The following CADPS2 variants were observed in gnomAD, a reference collection of about 807,000 sequenced individuals.
CADPS2 encodes the protein calcium dependent secretion activator 2.
CADPS2 carries 93 observed loss-of-function variants against 172.5 expected under a neutral mutation model. That is an observed-to-expected ratio of 0.54 (90% CI 0.46 to 0.64). CADPS2 has a LOEUF of 0.64. Ranked by LOEUF, CADPS2 falls within the 30% of genes least tolerant of loss-of-function variation. The pLI is 0.00. For missense variants in CADPS2, 1,420 were observed against 1,565.9 expected, an observed-to-expected ratio of 0.91 and a Z score of 1.57; for synonymous variants, 546 against 555.2, an observed-to-expected ratio of 0.98 and a Z score of 0.23.
intron 24 of CADPS2, among the ~76,000 whole-genome samples, 170 bp downstream of exon 24, chr7:122,386,856 C>T (rs148801270): frequency 1.1e-3 from 170 of 152,166 alleles, no homozygotes; most frequent in African/African-American, 3.9e-3. Flanking sequence ...AAAGGAGAAA[C>T]TGACATGAGC....
chr7:122,541,816 CATATGTTTA>C (rs2063073040), intron 8 of CADPS2, among the ~76,000 whole-genome samples: 2 of 74,046 alleles, frequency 2.7e-5, no homozygotes, highest in South Asian at 7.9e-4. Flanking sequence ...TTTATATATT[CATATGTTTA>C]TATATTCATA....
In CADPS2 at chr7:122,494,837, A is replaced by G. The variant is rs186950920; in HGVS notation, c.1543-3417T>C. On this transcript the variant is annotated intron_variant, in intron 9 of 29. Coordinates refer to ENST00000449022, the MANE Select transcript of CADPS2 (RefSeq NM_017954.11). ...CAGTCAAATTTACTTTTTCCCTTGC[A>G]TATGTCTAAGGTTTACAAATGAAAG... Among the ~76,000 whole-genome samples, 3 of 150,998 alleles carry G rather than the reference A, an allele frequency of 2.0e-5. No homozygotes were observed. In the East Asian group the frequency reaches 5.8e-4, roughly 29 times the overall value.
At position 122,422,552 on chromosome 7, in the gene CADPS2, T is replaced by C. The variant is rs893083282; in HGVS notation, c.2477-6388A>G. ...ATTACATTACACACTCTCACACACA[T>C]ATACACAATGCTTTGGGCACATAAA... On this transcript the variant is annotated intron_variant, in intron 17 of 29. Coordinates refer to ENST00000449022, the MANE Select transcript of CADPS2 (RefSeq NM_017954.11). Among the ~76,000 whole-genome samples, 7 of 152,230 alleles carry C rather than the reference T, an allele frequency of 4.6e-5. No individual in the cohort carries two copies. In the South Asian group the frequency reaches 1.2e-3, roughly 27 times the overall value.
At chr7:122,874,463 G>A (rs1820676227) in intron 1 of CADPS2, among the ~76,000 whole-genome samples, 1 of 152,126 alleles carries the variant, frequency 6.6e-6, no homozygotes, top group Admixed American at 6.6e-5. Context: ...ACTACCCAAA[G>A]TAATTTATAG....
At chr7:122,409,546 A>G (rs1279516194) in intron 19 of CADPS2, 10 of 403,162 alleles carry the variant, frequency 2.5e-5, no homozygotes, top group Non-Finnish European at 4.4e-5. Flanking sequence ...GCAGAAGTAT[A>G]TATTTATATC....
At chr7:122,561,376 T>C (rs1027551396) in intron 7 of CADPS2, among the ~76,000 whole-genome samples, 4 of 151,892 alleles carry the variant, frequency 2.6e-5, no homozygotes, top group African/African-American at 9.7e-5. Context: ...AAAAACAAAA[T>C]GGGGTAGAAG....
chr7:122,704,155 A>C (rs890037737), intron 2 of CADPS2, among the ~76,000 whole-genome samples: 2 of 152,118 alleles, frequency 1.3e-5, no homozygotes, highest in African/African-American at 4.8e-5. Context: ...CATAGACATG[A>C]TAGAGTTTTC....
intron 8 of CADPS2, among the ~76,000 whole-genome samples, chr7:122,534,536 C>G (rs901695196): frequency 2.0e-5 from 3 of 152,008 alleles, no homozygotes; most frequent in African/African-American, 7.2e-5. Context: ...CAAACTGATA[C>G]AATTCTGAGA....
Position 122,554,706 on chromosome 7 carries a change from A to C in CADPS2, c.1336-17T>G, listed in dbSNP as rs184264736. On this transcript the variant is annotated splice_polypyrimidine_tract_variant and intron_variant, in intron 7 of 29. Transcript: ENST00000449022. ...TAATATCACCTGTATGGAAAAAAAA[A>C]CCCACATTTAAACGCATGATACGGA... is the stretch of plus-strand genomic sequence containing the variant. The C allele has an allele frequency of 4.2e-4, 657 of 1,577,934 alleles. 1 individual carries two copies. Among genetic ancestry groups the C allele is most frequent in the South Asian group, 1.5e-3 (132 of 85,226 alleles).
At chr7:122,818,088 T>C (rs1802059531) in intron 1 of CADPS2, among the ~76,000 whole-genome samples, 1 of 149,190 alleles carries the variant, frequency 6.7e-6, no homozygotes, top group African/African-American at 2.5e-5. Flanking sequence ...CCCCTTTTCC[T>C]ACTTTTCTGG....
chr7:122,487,600 C>T (rs1315557011), intron 11 of CADPS2, among the ~76,000 whole-genome samples: 1 of 151,998 alleles, frequency 6.6e-6, no homozygotes, highest in Non-Finnish European at 1.5e-5. Context: ...ATATAAGATG[C>T]AATAGCAAGG....
chr7:122,413,423 C>A (rs994524554), intron 19 of CADPS2, among the ~76,000 whole-genome samples: 1 of 152,174 alleles, frequency 6.6e-6, no homozygotes, highest in South Asian at 2.1e-4. Flanking sequence ...TGGTAAGGTA[C>A]TGTCAAAGAT....
rs1337572623 is a variant in CADPS2, at chr7:122,491,332, T to G, written c.1631A>C (p.Asp544Ala). ...ELMQLEGYTV[D>A]YTDPHPGLQG... Reference sequence around the variant, plus strand: ...TTTACCTGGGTGGGGATCGGTATAATCCACAGTATAGCCTTCAAGCTGCAT... The same window carrying G: ...TTTACCTGGGTGGGGATCGGTATAAGCCACAGTATAGCCTTCAAGCTGCAT... The change falls in exon 10 of 30, where the codon GAT becomes GCT. Residue 544 changes from aspartate (D) to alanine (A), a missense_variant. By Grantham distance (126) the Asp-to-Ala change is moderately radical (BLOSUM62 -2). Coordinates refer to ENST00000449022, the MANE Select transcript of CADPS2 (RefSeq NM_017954.11). The G allele has an allele frequency of 6.2e-7, 1 of 1,609,300 alleles. No homozygotes were observed. Among genetic ancestry groups the G allele is most frequent in the East Asian group, 2.2e-5 (1 of 44,622 alleles).
intron 6 of CADPS2, among the ~76,000 whole-genome samples, chr7:122,606,728 T>A (rs766679818): frequency 6.6e-6 from 1 of 152,026 alleles, no homozygotes; most frequent in Non-Finnish European, 1.5e-5. Flanking sequence ...GCCATACTAT[T>A]GTGGCTGGTG....
At chr7:122,589,052 C>G (rs1375877989) in intron 6 of CADPS2, among the ~76,000 whole-genome samples, 2 of 151,890 alleles carry the variant, frequency 1.3e-5, no homozygotes, top group Non-Finnish European at 2.9e-5. Context: ...TGCCAATGAG[C>G]TGTAGTATCC....
intron 1 of CADPS2, among the ~76,000 whole-genome samples, chr7:122,797,686 G>A (rs915901851): frequency 5.3e-5 from 8 of 150,354 alleles, no homozygotes; most frequent in Non-Finnish European, 1.2e-4. Context: ...GGACACAGAC[G>A]GGAACAACAG....
chr7:122,741,145 T>A (rs12706439), intron 1 of CADPS2, among the ~76,000 whole-genome samples: 39,587 of 151,990 alleles, frequency 0.26, 5,428 homozygotes, highest in Middle Eastern at 0.32. Flanking sequence ...ATACTATTCA[T>A]TGCATTAAAA....
At chr7:122,829,526 T>C (rs1805876343) in intron 1 of CADPS2, among the ~76,000 whole-genome samples, 1 of 152,076 alleles carries the variant, frequency 6.6e-6, no homozygotes, top group South Asian at 2.1e-4. Flanking sequence ...TTATTTATCC[T>C]ATGGAAAAAA....
chr7:122,640,642 A>G (rs1465607921), intron 3 of CADPS2, among the ~76,000 whole-genome samples: 3 of 152,028 alleles, frequency 2.0e-5, no homozygotes, highest in Non-Finnish European at 4.4e-5. Context: ...ATAAAAAAAA[A>G]TATTGTTGGC....
Sources: allele counts gnomAD v4.1 joint callset (sites outside exome capture counted in the v4.1 genomes callset), GRCh38; gene constraint gnomAD v4.1.1; transcripts MANE v1.5; gene names NCBI Gene and HGNC (gene_info 2026-07-23, HGNC 2026-07-21).